Variants in CPA5 observed in about 807,000 individuals in gnomAD.
The protein encoded by CPA5 is carboxypeptidase A5.
CPA5 carries 38 observed loss-of-function variants against 52.2 expected under a neutral mutation model. That is an observed-to-expected ratio of 0.73 (90% CI 0.56 to 0.95). CPA5 has a LOEUF of 0.95. CPA5 is among the 40% of genes least tolerant of loss of function. CPA5 has a pLI of 0.00. For missense variants in CPA5, 519 were observed against 566.7 expected (o/e 0.92, Z 0.86); for synonymous variants, 198 against 213.7 (o/e 0.93, Z 0.64).
At chr7:130,371,981 T>C (rs1796298961), downstream of CPA5, among the ~76,000 whole-genome samples, 1 of 152,188 alleles carries the variant, frequency 6.6e-6, no homozygotes, top group African/African-American at 2.4e-5. Flanking sequence ...TCCTCTCAGT[T>C]CCCTCAACAC....
At chr7:130,365,000 A>T (rs1182197831) in intron 10 of CPA5, among the ~76,000 whole-genome samples, 1 of 152,242 alleles carries the variant, frequency 6.6e-6, no homozygotes, top group Non-Finnish European at 1.5e-5. Context: ...GTTTGGCTCC[A>T]CAGGGGACGG....
intron 5 of CPA5, among the ~76,000 whole-genome samples, chr7:130,354,518 C>A (rs782256727): frequency 6.6e-6 from 1 of 151,952 alleles, no homozygotes; most frequent in South Asian, 2.1e-4. Context: ...CTCAGCCTCC[C>A]GAGTAGCTTG....
At position 130,368,678 on chromosome 7, in the gene CPA5, T is replaced by C; in HGVS notation, c.*81T>C. On this transcript the variant is annotated 3_prime_UTR_variant, in exon 13 of 13. Transcript: ENST00000474905. ...CCGAAACCCAAGTTATGCATCCCCATCCCCATGCCCTCATCCCGACCTCTT... is the reference window on the plus strand; with the variant it reads ...CCGAAACCCAAGTTATGCATCCCCACCCCCATGCCCTCATCCCGACCTCTT... The C allele has an allele frequency of 7.1e-7, 1 of 1,402,062 alleles. No individual in the cohort carries two copies. Among genetic ancestry groups the C allele is most frequent in the East Asian group, 2.3e-5 (1 of 43,756 alleles). 86.9% of individuals were successfully genotyped at this position (1,402,062 alleles called of 1,614,324 possible).
intron 6 of CPA5, among the ~76,000 whole-genome samples, chr7:130,360,085 T>A (rs1353372668): frequency 6.6e-6 from 1 of 152,240 alleles, no homozygotes; most frequent in Non-Finnish European, 1.5e-5. Context: ...ATTAAAAAAC[T>A]GCCTAAATCC....
intron 5 of CPA5, among the ~76,000 whole-genome samples, chr7:130,354,941 G>A (rs1795387181): frequency 6.6e-6 from 1 of 152,120 alleles, no homozygotes; most frequent in South Asian, 2.1e-4. Flanking sequence ...CTGGTCTGTG[G>A]GTGAGTGGCA....
intron 5 of CPA5, among the ~76,000 whole-genome samples, chr7:130,353,703 C>T (rs2117349530): frequency 6.6e-6 from 1 of 152,300 alleles, no homozygotes; most frequent in Non-Finnish European, 1.5e-5. Flanking sequence ...CCCCCGAGGG[C>T]CCATGCGCCA....
chr7:130,353,622 C>G (rs1795309913), intron 5 of CPA5, among the ~76,000 whole-genome samples: 1 of 152,190 alleles, frequency 6.6e-6, no homozygotes, highest in Non-Finnish European at 1.5e-5. Flanking sequence ...TTCTTGACCC[C>G]TTCCTCAAAC....
At chr7:130,367,088 G>A (rs532167847) in intron 10 of CPA5, among the ~76,000 whole-genome samples, 76 of 152,290 alleles carry the variant, frequency 5.0e-4, no homozygotes, top group Non-Finnish European at 9.7e-4. Flanking sequence ...CTTCCGCAGT[G>A]AGAGAGGGAT....
downstream of CPA5, among the ~76,000 whole-genome samples, chr7:130,370,432 T>C (rs936364398): frequency 6.6e-6 from 1 of 152,154 alleles, no homozygotes; most frequent in Non-Finnish European, 1.5e-5. Context: ...GCTAAGTTAA[T>C]ATAAGCTAGA....
chr7:130,359,208 A>C lies in CPA5; in HGVS notation c.334-381A>C, dbSNP rs142485551. 2.7e-3 allele frequency among the ~76,000 whole-genome samples: 405 copies of C among 152,314 alleles called. 1 individual carries two copies. The highest frequency in any genetic ancestry group is 8.8e-3 in the African/African-American group (364 of 41,566). On this transcript the variant is annotated intron_variant, in intron 5 of 12. Coordinates refer to ENST00000474905, the MANE Select transcript of CPA5 (RefSeq NM_080385.5). ...AGACTGTGAGCACCTTTTTTCCCCC[A>C]AAAACACCTTCAAATCCATTATTAC...
intron 9 of CPA5, 35 bp downstream of exon 9, chr7:130,363,029 CAGCTCT>C (rs782043504): frequency 7.6e-7 from 1 of 1,307,346 alleles, no homozygotes; most frequent in South Asian, 1.2e-5. Flanking sequence ...AGGAGGGGGT[CAGCTCT>C]AGGGGGATGG....
chr7:130,348,354 T>C (rs1382134815), intron 4 of CPA5, among the ~76,000 whole-genome samples: 3 of 152,212 alleles, frequency 2.0e-5, no homozygotes, highest in Non-Finnish European at 4.4e-5. Flanking sequence ...GACTATTACA[T>C]AGAAGGGTTT....
At chr7:130,366,875 G>A (rs1796115811) in intron 10 of CPA5, among the ~76,000 whole-genome samples, 2 of 152,228 alleles carry the variant, frequency 1.3e-5, no homozygotes, top group African/African-American at 2.4e-5. Flanking sequence ...CCTTCCTAAA[G>A]GGACCACAGG....
At chr7:130,349,923 G>A (rs1165499012) in intron 4 of CPA5, 52 bp from the exon 5 acceptor site, 1 of 1,577,306 alleles carries the variant, frequency 6.3e-7, no homozygotes, top group South Asian at 1.2e-5. Context: ...CTACAGGATT[G>A]TGTGGAAGGA....
rs1302422536 is a variant in CPA5, at chr7:130,361,161, A to G, written c.451A>G (p.Asn151Asp). ...TLEEIYSWID[N>D]FVMEHSDIVS... Reference sequence around the variant, plus strand: ...CTTTCAGATATATAGCTGGATTGACAACTTTGTAATGGAGCATTCCGATAT... The same window carrying G: ...CTTTCAGATATATAGCTGGATTGACGACTTTGTAATGGAGCATTCCGATAT... The change falls in exon 7 of 13, where the codon AAC becomes GAC. Residue 151 changes from asparagine (N) to aspartate (D), a missense_variant. By Grantham distance (23) the Asn-to-Asp change is conservative. Transcript: ENST00000474905. 1.2e-6 allele frequency: 2 copies of G among 1,613,298 alleles called. No individual in the cohort carries two copies. The highest frequency in any genetic ancestry group is 4.5e-5 in the East Asian group (2 of 44,888).
At chr7:130,372,106 ATCT>A (rs782307952), downstream of CPA5, among the ~76,000 whole-genome samples, 53 of 152,188 alleles carry the variant, frequency 3.5e-4, no homozygotes, top group Non-Finnish European at 5.4e-4. Flanking sequence ...CTGGAAGTAC[ATCT>A]TCTCCTATTA....
chr7:130,362,935 A>G lies in CPA5; in HGVS notation c.688A>G (p.Met230Val), dbSNP rs1554407189. 2 of 1,613,946 alleles carry G rather than the reference A, an allele frequency of 1.2e-6. No individual in the cohort carries two copies. Among genetic ancestry groups the G allele is most frequent in the Admixed American group, 1.7e-5 (1 of 60,020 alleles). ...DRVLTDILNA[M>V]DIFIELVTNP... ...TGTCCTGACAGACATACTGAATGCC[A>G]TGGACATCTTCATAGAGCTCGTCAC... is the stretch of plus-strand genomic sequence containing the variant. The change falls in exon 9 of 13, where the codon ATG becomes GTG. Residue 230 changes from methionine (M) to valine (V), a missense_variant. Physicochemically the swap from Met to Val is conservative, Grantham distance 21. Coordinates refer to ENST00000474905, the MANE Select transcript of CPA5 (RefSeq NM_080385.5).
chr7:130,365,844 A>G (rs1554408129), intron 10 of CPA5, among the ~76,000 whole-genome samples: 1 of 152,252 alleles, frequency 6.6e-6, no homozygotes, highest in African/African-American at 2.4e-5. Flanking sequence ...TTTGTCATTC[A>G]TCAAGTGGAG....
At position 130,359,608 on chromosome 7, in the gene CPA5, G is replaced by C; in HGVS notation, c.353G>C (p.Arg118Thr). 1 of 1,569,608 alleles carries C rather than the reference G, an allele frequency of 6.4e-7. No homozygotes were observed. The highest frequency in any genetic ancestry group is 2.3e-5 in the East Asian group (1 of 42,966). The change falls in exon 6 of 13, where the codon AGA (arginine) becomes ACA (threonine). Residue 118 changes from arginine (R) to threonine (T), a missense_variant. By Grantham distance (71) the Arg-to-Thr change is moderately conservative (BLOSUM62 -1). Coordinates refer to ENST00000474905, the MANE Select transcript of CPA5 (RefSeq NM_080385.5). ...ACCCAGGTGCTGCTGGATGAGGAAA[G>C]ACAGGCCATGGCGAAATCCCGCCGG... is the stretch of plus-strand genomic sequence containing the variant. Reference protein sequence around the residue: ...KDIQVLLDEERQAMAKSRRLE... With the variant: ...KDIQVLLDEETQAMAKSRRLE...
Sources: allele counts gnomAD v4.1 joint callset (sites outside exome capture counted in the v4.1 genomes callset), GRCh38; gene constraint gnomAD v4.1.1; transcripts MANE v1.5; gene names NCBI Gene and HGNC (gene_info 2026-07-23, HGNC 2026-07-21).